The following TAFA1 variants were observed in gnomAD, a reference collection of about 807,000 sequenced individuals.
TAFA1 encodes TAFA chemokine like family member 1, also known as chemokine-like protein TAFA-1.
A neutral mutation model predicts 18.5 loss-of-function variants in TAFA1; 4 were observed. The observed-to-expected ratio is 0.22, with a 90% CI of 0.11 to 0.49. TAFA1 has a LOEUF of 0.49. Among genes scored for constraint, TAFA1 ranks in the 20% least tolerant of loss-of-function variants. TAFA1 has a pLI of 0.98. For synonymous variants in TAFA1, 56 were observed against 55.2 expected, an observed-to-expected ratio of 1.01 and a Z score of -0.06; for missense variants, 147 against 169.0, an observed-to-expected ratio of 0.87 and a Z score of 0.72.
At position 68,544,493 on chromosome 3, in the gene TAFA1, C is replaced by T. The variant is rs777532061; in HGVS notation, c.392C>T (p.Pro131Leu). Residue 131 changes from proline to leucine, a missense_variant, in exon 5 of 5, where the codon CCA becomes CTA. Physicochemically the swap from Pro to Leu is moderately conservative, Grantham distance 98. Transcript: ENST00000478136. ...GNKIKTTRIH[P>L]RT is the part of the protein sequence containing the mutation. ...GTCTTTCTTTGGTTTCAGATTCACC[C>T]AAGAACCTAACAGAAGCATTTGTGG... 2 of 1,612,360 alleles carry T rather than the reference C, an allele frequency of 1.2e-6. No individual in the cohort carries two copies. Among genetic ancestry groups the T allele is most frequent in the Non-Finnish European group, 1.7e-6 (2 of 1,178,902 alleles).
chr3:68,168,158 A>AAAAAAG (rs66504114), intron 2 of TAFA1, among the ~76,000 whole-genome samples: 1 of 151,578 alleles, frequency 6.6e-6, no homozygotes, highest in African/African-American at 2.4e-5. Context: ...AAAAAAAAAA[A>AAAAAAG]AAGAAGGCTT....
intron 3 of TAFA1, among the ~76,000 whole-genome samples, chr3:68,447,170 A>G (rs752865995): frequency 1.2e-4 from 18 of 152,196 alleles, no homozygotes; most frequent in Non-Finnish European, 2.4e-4. Context: ...GCCATGTATT[A>G]TTGTAGGCAT....
At chr3:68,076,760 A>G (rs1245997817) in intron 2 of TAFA1, among the ~76,000 whole-genome samples, 1 of 152,288 alleles carries the variant, frequency 6.6e-6, no homozygotes, top group African/African-American at 2.4e-5. Context: ...TAATGCCGCA[A>G]TAAACATACA....
chr3:68,134,208 A>G (rs2065579482), intron 2 of TAFA1, among the ~76,000 whole-genome samples: 1 of 151,928 alleles, frequency 6.6e-6, no homozygotes, highest in Admixed American at 6.6e-5. Flanking sequence ...TGGAAGGGAG[A>G]TTGGAGATTT....
chr3:68,448,761 A>C (rs760491943), intron 3 of TAFA1, among the ~76,000 whole-genome samples: 2 of 152,248 alleles, frequency 1.3e-5, no homozygotes, highest in Non-Finnish European at 2.9e-5. Flanking sequence ...GTAATTGTGT[A>C]ACCTGAATAA....
At chr3:68,388,966 A>C (rs1426289867) in intron 2 of TAFA1, among the ~76,000 whole-genome samples, 1 of 152,162 alleles carries the variant, frequency 6.6e-6, no homozygotes, top group Non-Finnish European at 1.5e-5. Context: ...TTTTGAGTGA[A>C]CTTTTTGTTT....
chr3:68,251,077 GA>G (rs34377293), intron 2 of TAFA1, among the ~76,000 whole-genome samples: 7 of 145,248 alleles, frequency 4.8e-5, no homozygotes, highest in East Asian at 2.4e-4. Flanking sequence ...TGTTAATCAA[GA>G]AAAAAAAACC....
At chr3:68,452,730 A>G (rs897270345) in intron 3 of TAFA1, among the ~76,000 whole-genome samples, 6 of 152,140 alleles carry the variant, frequency 3.9e-5, no homozygotes, top group African/African-American at 1.2e-4. Context: ...GGCATGTGTG[A>G]AATTGATTGT....
chr3:68,298,227 G>A (rs1282523378), intron 2 of TAFA1, among the ~76,000 whole-genome samples: 1 of 152,138 alleles, frequency 6.6e-6, no homozygotes, highest in South Asian at 2.1e-4. Flanking sequence ...TACTTCTAGT[G>A]GAGCCACTTA....
intron 2 of TAFA1, among the ~76,000 whole-genome samples, chr3:68,337,253 G>A (rs1559623358): frequency 2.0e-5 from 3 of 152,174 alleles, no homozygotes; most frequent in Admixed American, 1.3e-4. Flanking sequence ...CAGACGGGAA[G>A]CAGCAAGTCC....
chr3:68,501,408 T>C (rs2668172), intron 3 of TAFA1, among the ~76,000 whole-genome samples: 30,791 of 151,978 alleles, frequency 0.2, 3,207 homozygotes, highest in Middle Eastern at 0.24. Flanking sequence ...TGCAAAGCAA[T>C]AAATAAATAA....
intron 3 of TAFA1, among the ~76,000 whole-genome samples, chr3:68,499,173 A>T (rs912324364): frequency 6.6e-6 from 1 of 152,128 alleles, no homozygotes; most frequent in African/African-American, 2.4e-5. Flanking sequence ...CATTTATACT[A>T]AACAACTCAT....
At chr3:68,370,523 T>C (rs1273685639) in intron 2 of TAFA1, among the ~76,000 whole-genome samples, 2 of 116,616 alleles carry the variant, frequency 1.7e-5, no homozygotes, top group East Asian at 4.9e-4. Context: ...TATACCCACA[T>C]ATGTATTTTG....
chr3:68,335,150 G>A (rs556100199), intron 2 of TAFA1, among the ~76,000 whole-genome samples: 3 of 152,244 alleles, frequency 2.0e-5, no homozygotes, highest in African/African-American at 7.2e-5. Context: ...ATTTATAAGA[G>A]CGTTTGGTAT....
At chr3:68,322,177 C>T (rs181081724) in intron 2 of TAFA1, among the ~76,000 whole-genome samples, 5 of 152,344 alleles carry the variant, frequency 3.3e-5, no homozygotes, top group African/African-American at 4.8e-5. Flanking sequence ...CAAATTTTCT[C>T]TGATCTTATA....
intron 2 of TAFA1, among the ~76,000 whole-genome samples, chr3:68,065,507 T>C (rs755837293): frequency 6.6e-6 from 1 of 152,064 alleles, no homozygotes; most frequent in Non-Finnish European, 1.5e-5. Flanking sequence ...CTTGAGGTTA[T>C]TGAGCACTTT....
intron 2 of TAFA1, among the ~76,000 whole-genome samples, chr3:68,151,918 T>C (rs2065811497): frequency 6.6e-6 from 1 of 152,212 alleles, no homozygotes; most frequent in Non-Finnish European, 1.5e-5. Context: ...CAATGATTAG[T>C]TTATCTGAGA....
intron 2 of TAFA1, among the ~76,000 whole-genome samples, chr3:68,115,586 A>G (rs907100424): frequency 6.6e-6 from 1 of 152,194 alleles, no homozygotes; most frequent in African/African-American, 2.4e-5. Flanking sequence ...TTTGAGTAGC[A>G]ACCCACATTA....
chr3:68,006,096 A>G (rs937851659), intron 1 of TAFA1: 3 of 153,760 alleles, frequency 2.0e-5, no homozygotes, highest in Admixed American at 6.4e-5. Flanking sequence ...CAAAAGGATC[A>G]GTTCTATCAG....
Sources: allele counts gnomAD v4.1 joint callset (sites outside exome capture counted in the v4.1 genomes callset), GRCh38; gene constraint gnomAD v4.1.1; transcripts MANE v1.5; gene names NCBI Gene and HGNC (gene_info 2026-07-23, HGNC 2026-07-21).